MEIS1: variants seen among roughly 807,000 people sequenced by gnomAD.
MEIS1 encodes the protein homeobox protein Meis1.
In MEIS1, 5 loss-of-function variants were observed where a neutral mutation model predicts 50.8. The observed-to-expected ratio is 0.10, with a 90% CI of 0.05 to 0.21. MEIS1 has a LOEUF of 0.21. MEIS1 is among the 10% of genes least tolerant of loss of function. The probability of loss-of-function intolerance (pLI) is 1.00; values close to 1 mark genes in which losing one functional copy is unlikely to be tolerated. For synonymous variants in MEIS1, 176 were observed against 179.3 expected (o/e 0.98, Z 0.15); for missense variants, 318 against 517.3 (o/e 0.61, Z 3.74).
At chr2:66,535,125 C>T (rs1674486878) in intron 8 of MEIS1, among the ~76,000 whole-genome samples, 1 of 152,080 alleles carries the variant, frequency 6.6e-6, no homozygotes, top group African/African-American at 2.4e-5. Flanking sequence ...AAACTTTGAG[C>T]TTCAGTAGAG....
At chr2:66,556,802 T>A (rs564643806) in intron 9 of MEIS1, among the ~76,000 whole-genome samples, 2 of 151,662 alleles carry the variant, frequency 1.3e-5, no homozygotes, top group East Asian at 3.9e-4. Flanking sequence ...GAATTGAACA[T>A]GTACAAAAAG....
chr2:66,555,241 T>C lies in MEIS1; in HGVS notation c.965+7222T>C, dbSNP rs112113668. 9.0e-3 allele frequency among the ~76,000 whole-genome samples: 1,338 copies of C among 147,912 alleles called. 34 individuals carry two copies. The highest frequency in any genetic ancestry group is 0.031 in the African/African-American group (1,235 of 40,192). On this transcript the variant is annotated intron_variant, in intron 9 of 12. Transcript: ENST00000272369. ...GCAGAAATAACTTTTTGAATTGTGG[T>C]TGTGTGTACGTGTTCTCTCTCTCTC...
At chr2:66,567,983 G>A in intron 10 of MEIS1, 1 of 225,144 alleles carries the variant, frequency 4.4e-6, no homozygotes, top group South Asian at 7.8e-5. Context: ...ATAACCCAAG[G>A]CAGCTTACTT....
At chr2:66,498,323 T>C (rs1055237133) in intron 7 of MEIS1, among the ~76,000 whole-genome samples, 6 of 152,200 alleles carry the variant, frequency 3.9e-5, no homozygotes, top group Admixed American at 1.3e-4. Flanking sequence ...AGGTTCATTG[T>C]TTCCAGAGGG....
At chr2:66,545,023 C>T (rs778419458) in intron 8 of MEIS1, among the ~76,000 whole-genome samples, 7 of 152,126 alleles carry the variant, frequency 4.6e-5, no homozygotes, top group Non-Finnish European at 8.8e-5. Context: ...TGCTCATAAA[C>T]AGGCATGCAA....
chr2:66,492,903 C>A (rs1201382457), intron 7 of MEIS1, among the ~76,000 whole-genome samples: 1 of 152,114 alleles, frequency 6.6e-6, no homozygotes, highest in Non-Finnish European at 1.5e-5. Context: ...ACATCTGGGG[C>A]CTGTTACTGC....
intron 6 of MEIS1, among the ~76,000 whole-genome samples, chr2:66,448,528 A>G (rs1436598309): frequency 6.6e-6 from 1 of 152,194 alleles, no homozygotes; most frequent in Admixed American, 6.5e-5. Flanking sequence ...AATGCATAAC[A>G]AATTATATTA....
chr2:66,520,548 A>G (rs1343900098), intron 8 of MEIS1, among the ~76,000 whole-genome samples: 2 of 152,148 alleles, frequency 1.3e-5, no homozygotes, highest in South Asian at 2.1e-4. Context: ...AATTCGTTGA[A>G]AAAATAAAAT....
chr2:66,439,968 C>A lies in MEIS1; in HGVS notation c.365C>A (p.Ala122Asp). 2 of 1,611,944 alleles carry A rather than the reference C, an allele frequency of 1.2e-6. No individual in the cohort carries two copies. Among genetic ancestry groups the A allele is most frequent in the Non-Finnish European group, 8.5e-7 (1 of 1,178,966 alleles). Residue 122 changes from alanine to aspartate, a missense_variant, in exon 3 of 13, where the codon GCC (alanine) becomes GAC (aspartate). Physicochemically the swap from Ala to Asp is moderately radical, Grantham distance 126. Transcript: ENST00000272369. The part of the protein sequence containing the change: ...CSSESFNEDI[A>D]VFAKQIRAEK... ...TCAGAGTCATTCAATGAAGATATAG[C>A]CGTGTTCGCCAAACAGGTCAGCAAA...
intron 8 of MEIS1, among the ~76,000 whole-genome samples, chr2:66,516,913 T>C (rs1673985531): frequency 6.6e-6 from 1 of 152,224 alleles, no homozygotes; most frequent in Non-Finnish European, 1.5e-5. Flanking sequence ...GTAAACATTA[T>C]GAATTATTAC....
At chr2:66,468,592 T>C (rs913270879) in intron 7 of MEIS1, among the ~76,000 whole-genome samples, 6 of 152,168 alleles carry the variant, frequency 3.9e-5, no homozygotes, top group African/African-American at 1.4e-4. Flanking sequence ...AGCCGGGACT[T>C]GAACCCACGC....
chr2:66,565,497 C>G (rs1009385196), intron 9 of MEIS1, among the ~76,000 whole-genome samples: 2 of 152,180 alleles, frequency 1.3e-5, no homozygotes, highest in Non-Finnish European at 2.9e-5. Flanking sequence ...TTGCGGTGCT[C>G]TAGTCACTGT....
At chr2:66,561,940 C>T (rs2103962721) in intron 9 of MEIS1, 1 of 147,252 alleles carries the variant, frequency 6.8e-6, no homozygotes, top group South Asian at 2.2e-4. Context: ...CAAATGTGGG[C>T]TTCCTTTAAT....
chr2:66,510,944 A>G (rs1445015086), intron 7 of MEIS1, among the ~76,000 whole-genome samples: 1 of 152,188 alleles, frequency 6.6e-6, no homozygotes, highest in East Asian at 1.9e-4. Context: ...CCAAAGTTTC[A>G]GGTTCTTTGG....
chr2:66,540,371 T>A (rs1674622162), intron 8 of MEIS1, among the ~76,000 whole-genome samples: 1 of 152,128 alleles, frequency 6.6e-6, no homozygotes, highest in Non-Finnish European at 1.5e-5. Context: ...TGCAGTGGTG[T>A]GATCTTGGGT....
At chr2:66,499,785 G>C (rs1428092259) in intron 7 of MEIS1, among the ~76,000 whole-genome samples, 1 of 151,088 alleles carries the variant, frequency 6.6e-6, no homozygotes, top group East Asian at 2.0e-4. Context: ...GAACAGAATT[G>C]TACCTTTTTA....
At chr2:66,529,324 A>C (rs1029921352) in intron 8 of MEIS1, among the ~76,000 whole-genome samples, 4 of 152,248 alleles carry the variant, frequency 2.6e-5, no homozygotes, top group African/African-American at 9.6e-5. Flanking sequence ...GTACAGTTGC[A>C]AAACAGAAAT....
chr2:66,555,845 A>G lies in MEIS1; in HGVS notation c.965+7826A>G, dbSNP rs1675049421. 4.6e-5 allele frequency among the ~76,000 whole-genome samples: 7 copies of G among 152,268 alleles called. No homozygotes were observed. In the South Asian group the frequency reaches 1.0e-3, roughly 23 times the overall value. On this transcript the variant is annotated intron_variant, in intron 9 of 12. Coordinates refer to ENST00000272369, the MANE Select transcript of MEIS1 (RefSeq NM_002398.3). ...CCTGAAATATTAAAAAATGGGGCAA[A>G]TGTTGCCTCCTGGTTGAATAGAACA...
chr2:66,458,039 G>A (rs1313551531), intron 6 of MEIS1, among the ~76,000 whole-genome samples: 1 of 152,100 alleles, frequency 6.6e-6, no homozygotes, highest in Non-Finnish European at 1.5e-5. Flanking sequence ...TTTGTACACT[G>A]ATTATTTCAT....
Sources: allele counts gnomAD v4.1 joint callset (sites outside exome capture counted in the v4.1 genomes callset), GRCh38; gene constraint gnomAD v4.1.1; transcripts MANE v1.5; gene names NCBI Gene and HGNC (gene_info 2026-07-23, HGNC 2026-07-21).